Variants in TRPV4 observed in about 807,000 individuals in gnomAD.
The protein encoded by TRPV4 is OSM9-like transient receptor potential channel 4.
A neutral mutation model predicts 84.1 loss-of-function variants in TRPV4; 58 were observed. That is an observed-to-expected ratio of 0.69 (90% CI 0.56 to 0.86). The LOEUF is 0.86. Among genes scored for constraint, TRPV4 ranks in the 40% least tolerant of loss-of-function variants. TRPV4 has a pLI of 0.00. For synonymous variants in TRPV4, 489 were observed against 500.9 expected, an observed-to-expected ratio of 0.98 and a Z score of 0.32; for missense variants, 879 against 1,181.1, an observed-to-expected ratio of 0.74 and a Z score of 3.75.
At chr12:109,804,284 CTG>C (rs1211249480) in intron 3 of TRPV4, among the ~76,000 whole-genome samples, 2 of 152,128 alleles carry the variant, frequency 1.3e-5, no homozygotes, top group Admixed American at 6.5e-5. Flanking sequence ...GAAAACTCCC[CTG>C]TGAATCAAGG....
chr12:109,814,728 A>T lies in TRPV4; in HGVS notation c.69T>A (p.Ser23Arg). 6.3e-7 allele frequency: 1 copy of T among 1,596,500 alleles called. No individual in the cohort carries two copies. Among genetic ancestry groups the T allele is most frequent in the Non-Finnish European group, 8.5e-7 (1 of 1,172,582 alleles). ...GAAAAGCCTCCCCACCTGGGGTGCC[A>T]CTCTCATCCCCGGGGAGCTCAGCCA... Reference protein sequence around the residue: ...GEVAELPGDESGTPGGEAFPL... With the variant: ...GEVAELPGDERGTPGGEAFPL... Residue 23 changes from serine (S) to arginine (R), a missense_variant, in exon 2 of 16, where the codon AGT becomes AGA. By Grantham distance (110) the Ser-to-Arg change is moderately radical (BLOSUM62 -1). Around this residue, in one of 4 missense-constraint regions of TRPV4, gnomAD observed 107 missense variants for 99.4 expected, o/e 1.08. Transcript: ENST00000261740. This position sits in a 1 kb window ranked among gnomAD's most constrained non-coding sequence, Gnocchi z 5.4.
chr12:109,813,231 G>A (rs1891630833), intron 2 of TRPV4, among the ~76,000 whole-genome samples: 1 of 152,158 alleles, frequency 6.6e-6, no homozygotes, highest in Non-Finnish European at 1.5e-5. Context: ...CCAAGATGGT[G>A]AAAACCTGTC....
At position 109,793,648 on chromosome 12, in the gene TRPV4, G is replaced by A; in HGVS notation, c.1585-48C>T. ...TGAAAGGGGTGGGGCCAGCAGGAGA[G>A]GAGAGGAGGAGAGAGGAGACAGAGA... On this transcript the variant is annotated intron_variant, in intron 9 of 15. Transcript: ENST00000261740. The surrounding 1 kb of genome is among the most constrained non-coding windows in gnomAD (Gnocchi z 4.0). 2 of 1,464,166 alleles carry A rather than the reference G, an allele frequency of 1.4e-6. No homozygotes were observed. Among genetic ancestry groups the A allele is most frequent in the Admixed American group, 1.7e-5 (1 of 59,762 alleles). The allele number at this position is 1,464,166 out of a possible 1,614,324, so 90.7% of individuals were successfully genotyped here. A position where few individuals can be genotyped will look rare whatever the true frequency, so the allele number is the denominator to read the frequency against.
chr12:109,793,949 A>G lies in TRPV4; in HGVS notation c.1565T>C (p.Val522Ala). ...ACTTACGTTGGTGAAGAAGAACAGGACCCCAGTGAAGAGCGTAATGACCTC... is the reference window on the plus strand; with the variant it reads ...ACTTACGTTGGTGAAGAAGAACAGGGCCCCAGTGAAGAGCGTAATGACCTC... The part of the protein sequence containing the change: ...AGEVITLFTG[V>A]LFFFTNIKDL... The change falls in exon 9 of 16, where the codon GTC (valine) becomes GCC (alanine). Residue 522 changes from valine to alanine, a missense_variant. Coordinates refer to ENST00000261740, the MANE Select transcript of TRPV4 (RefSeq NM_021625.5). This position sits in a 1 kb window ranked among gnomAD's most constrained non-coding sequence, Gnocchi z 4.0. The G allele has an allele frequency of 6.2e-7, 1 of 1,609,542 alleles. No individual in the cohort carries two copies. Among genetic ancestry groups the G allele is most frequent in the Non-Finnish European group, 8.5e-7 (1 of 1,178,816 alleles).
rs1891803050 is a variant in TRPV4, at chr12:109,815,502, TTCCCCAGTGCACAAACTCTGC to T, written c.-31-696_-31-676del. ...CTGAGGCTCCAATACTTGAGTTGAC[TTCCCCAGTGCACAAACTCTGC>T]TCCCCAGTGCAAAGTGCTGATCCCT... On this transcript the variant is annotated intron_variant, in intron 1 of 15. Transcript: ENST00000261740. This position sits in a 1 kb window ranked among gnomAD's most constrained non-coding sequence, Gnocchi z 4.1. Among the ~76,000 whole-genome samples, 2 of 152,214 alleles carry T rather than the reference TTCCCCAGTGCACAAACTCTGC, an allele frequency of 1.3e-5. No individual in the cohort carries two copies. Among genetic ancestry groups the T allele is most frequent in the African/African-American group, 2.4e-5 (1 of 41,462 alleles).
intron 1 of TRPV4, among the ~76,000 whole-genome samples, chr12:109,829,109 C>A (rs928928585): frequency 6.6e-5 from 10 of 152,020 alleles, no homozygotes; most frequent in African/African-American, 2.4e-4. Flanking sequence ...GAGTTCGAGG[C>A]TGCTGTGAGC....
chr12:109,811,178 A>C (rs1364856195), intron 2 of TRPV4, among the ~76,000 whole-genome samples: 1 of 152,008 alleles, frequency 6.6e-6, no homozygotes, highest in Non-Finnish European at 1.5e-5. Flanking sequence ...CCTTTCTTGT[A>C]TCCACCCACT....
At position 109,796,434 on chromosome 12, in the gene TRPV4, G is replaced by T; in HGVS notation, c.1332+91C>A. On this transcript the variant is annotated intron_variant, in intron 7 of 15. Coordinates refer to ENST00000261740, the MANE Select transcript of TRPV4 (RefSeq NM_021625.5). This position sits in a 1 kb window ranked among gnomAD's most constrained non-coding sequence, Gnocchi z 4.2. ...ACCACGTTGGGTCCTAGAGGCTGGG[G>T]CTGTCTCCCCCAGCCCAGCCCCAGG... The T allele has an allele frequency of 6.7e-7, 1 of 1,490,750 alleles. No homozygotes were observed. Among genetic ancestry groups the T allele is most frequent in the Non-Finnish European group, 9.2e-7 (1 of 1,085,232 alleles). 92.3% of individuals were successfully genotyped at this position (1,490,750 alleles called of 1,614,324 possible).
chr12:109,806,874 A>G (rs975389663), intron 3 of TRPV4, among the ~76,000 whole-genome samples: 8 of 63,012 alleles, frequency 1.3e-4, no homozygotes, highest in East Asian at 1.2e-3. Context: ...AAAAAAAAAG[A>G]AAAAAAAAAA....
chr12:109,812,966 A>G (rs1474943701), intron 2 of TRPV4, among the ~76,000 whole-genome samples: 1 of 152,176 alleles, frequency 6.6e-6, no homozygotes, highest in Non-Finnish European at 1.5e-5. Context: ...GAATGAGTAG[A>G]TGATAGATGG....
At chr12:109,820,338 C>A (rs1373415082) in intron 1 of TRPV4, among the ~76,000 whole-genome samples, 3 of 151,998 alleles carry the variant, frequency 2.0e-5, no homozygotes, top group Non-Finnish European at 4.4e-5. Context: ...CTGCCCTAGA[C>A]AGAGACCCCA....
chr12:109,788,913 G>A (rs1289307702), intron 12 of TRPV4, among the ~76,000 whole-genome samples, 197 bp from the exon 13 acceptor site: 1 of 152,206 alleles, frequency 6.6e-6, no homozygotes, highest in Non-Finnish European at 1.5e-5. Context: ...AACCTTTGAA[G>A]CCTTTCCATA....
chr12:109,819,688 A>C (rs1254162161), intron 1 of TRPV4, among the ~76,000 whole-genome samples: 3 of 152,166 alleles, frequency 2.0e-5, no homozygotes, highest in African/African-American at 7.2e-5. Context: ...CAGCCTCCCA[A>C]GTAGCTGGGA....
chr12:109,784,212 C>T, intron 15 of TRPV4, 104 bp downstream of exon 15: 1 of 1,564,832 alleles, frequency 6.4e-7, no homozygotes, highest in South Asian at 1.1e-5. Flanking sequence ...CTCTCTCATT[C>T]TGTAGACACG....
rs187866864 is a variant in TRPV4, at chr12:109,825,407, A to G, written c.-32+7943T>C. The stretch of plus-strand genomic sequence containing the variant: ...TACAGCTTAACCCCACCCAGGTCGT[A>G]GCAATTATTACCCCCATTTTACAGA... On this transcript the variant is annotated intron_variant, in intron 1 of 15. Transcript: ENST00000261740. 1.3e-3 allele frequency among the ~76,000 whole-genome samples: 201 copies of G among 152,206 alleles called. 1 individual carries two copies. Among genetic ancestry groups the G allele is most frequent in the African/African-American group, 4.7e-3 (194 of 41,530 alleles).
chr12:109,814,735 T>G lies in TRPV4; in HGVS notation c.62A>C (p.Asp21Ala). 1 of 1,591,296 alleles carries G rather than the reference T, an allele frequency of 6.3e-7. No homozygotes were observed. The change falls in exon 2 of 16, where the codon GAT (aspartate) becomes GCT (alanine). Residue 21 changes from aspartate (D) to alanine (A), a missense_variant. Physicochemically the swap from Asp to Ala is moderately radical, Grantham distance 126. This residue lies in a region of TRPV4 where 107 missense variants were observed against 99.4 expected (regional missense o/e 1.08). Transcript: ENST00000261740. The surrounding 1 kb of genome is among the most constrained non-coding windows in gnomAD (Gnocchi z 5.4). ...GPGEVAELPG[D>A]ESGTPGGEAF... is the part of the protein sequence containing the mutation. The stretch of plus-strand genomic sequence containing the variant: ...CTCCCCACCTGGGGTGCCACTCTCA[T>G]CCCCGGGGAGCTCAGCCACCTCCCC...
chr12:109,809,460 C>T (rs530458566), intron 2 of TRPV4, among the ~76,000 whole-genome samples: 8,563 of 151,116 alleles, frequency 0.057, 394 homozygotes, highest in African/African-American at 0.12. Context: ...ATCCATCCAT[C>T]CATCCATCCA....
chr12:109,811,427 G>A (rs1891508603), intron 2 of TRPV4, among the ~76,000 whole-genome samples: 1 of 152,214 alleles, frequency 6.6e-6, no homozygotes. Flanking sequence ...GGAGGCCGAG[G>A]TGGGCAGGTC....
Position 109,793,833 on chromosome 12 carries a change from T to G in TRPV4, c.1584+97A>C, listed in dbSNP as rs1890194122. ...GGAGGAAGGAAAGGAGAAGGACCAT[T>G]TGGAGGAGAGAGAAGAGAAAAAGAG... On this transcript the variant is annotated intron_variant, in intron 9 of 15. Transcript: ENST00000261740. The surrounding 1 kb of genome is among the most constrained non-coding windows in gnomAD (Gnocchi z 4.0). The G allele has an allele frequency of 1.0e-6, 1 of 986,390 alleles. No individual in the cohort carries two copies. Among genetic ancestry groups the G allele is most frequent in the African/African-American group, 1.6e-5 (1 of 60,912 alleles). The allele number at this position is 986,390 out of a possible 1,614,324, so 61.1% of individuals were successfully genotyped here.
Sources: allele counts gnomAD v4.1 joint callset (sites outside exome capture counted in the v4.1 genomes callset), GRCh38; gene constraint gnomAD v4.1.1; regional missense constraint gnomAD v4.1.1; non-coding constraint Gnocchi (gnomAD v3.1); transcripts MANE v1.5; gene names NCBI Gene and HGNC (gene_info 2026-07-23, HGNC 2026-07-21).